Variants in ZRANB1 observed in about 807,000 individuals in gnomAD.
ZRANB1 encodes ubiquitin thioesterase ZRANB1.
In ZRANB1, 16 loss-of-function variants were observed where a neutral mutation model predicts 80.5. The observed-to-expected ratio is 0.20, with a 90% CI of 0.13 to 0.30. The LOEUF (loss-of-function observed/expected upper bound fraction) is 0.30, where lower values mean the gene tolerates loss of function less well. ZRANB1 is among the 10% of genes least tolerant of loss of function. The pLI is 1.00. For synonymous variants in ZRANB1, 291 were observed against 293.1 expected, an observed-to-expected ratio of 0.99 and a Z score of 0.07; for missense variants, 576 against 862.6, an observed-to-expected ratio of 0.67 and a Z score of 4.16.
upstream of ZRANB1, chr10:124,940,452 T>C: frequency 1.6e-6 from 2 of 1,242,928 alleles, no homozygotes; most frequent in East Asian, 1.1e-4. Context: ...TGAGCCAGCA[T>C]GAAGACGGAA....
intron 1 of ZRANB1, among the ~76,000 whole-genome samples, chr10:124,956,674 G>C (rs1951689943): frequency 1.3e-5 from 2 of 152,100 alleles, no homozygotes; most frequent in African/African-American, 4.8e-5. Flanking sequence ...GTTTCACCAT[G>C]TTGGCTAGGC....
the ZRANB1 span, among the ~76,000 whole-genome samples, chr10:124,927,858 G>A: frequency 1.3e-5 from 2 of 152,084 alleles, no homozygotes; most frequent in Admixed American, 6.6e-5. Context: ...CCAACATGGC[G>A]AAACCCCATC....
chr10:124,918,808 GGCA>G, the ZRANB1 span, among the ~76,000 whole-genome samples: 1 of 152,144 alleles, frequency 6.6e-6, no homozygotes, highest in African/African-American at 2.4e-5. Flanking sequence ...TCTAAAGATA[GGCA>G]GTCTCTTTAT....
At position 124,974,415 on chromosome 10, in the gene ZRANB1, C is replaced by T; in HGVS notation, c.1427+17C>T. On this transcript the variant is annotated intron_variant, in intron 5 of 8. Transcript: ENST00000359653. ...TTCACATTGGTGAGCTGGCATTCTGCCCTGTTTCAACCCAGGAGTGCATTT... is the reference window on the plus strand; with the variant it reads ...TTCACATTGGTGAGCTGGCATTCTGTCCTGTTTCAACCCAGGAGTGCATTT... The T allele has an allele frequency of 6.2e-7, 1 of 1,613,914 alleles. No individual in the cohort carries two copies. The highest frequency in any genetic ancestry group is 8.5e-7 in the Non-Finnish European group (1 of 1,179,796).
In ZRANB1 at chr10:124,942,182, C is replaced by T. The variant is rs997834151; in HGVS notation, c.-312C>T. The T allele has an allele frequency of 1.1e-5, 13 of 1,153,424 alleles. No homozygotes were observed. The highest frequency in any genetic ancestry group is 1.4e-5 in the Non-Finnish European group (13 of 934,344). The allele number at this position is 1,153,424 out of a possible 1,614,324, so 71.4% of individuals were successfully genotyped here. ...GTGGCTTCCCGTTAATCTCATCCTT[C>T]TTAGATCAAACCTCGTTATATCTCC... On this transcript the variant is annotated 5_prime_UTR_variant, in exon 1 of 9. Transcript: ENST00000359653.
chr10:124,950,259 G>C (rs1951626396), intron 1 of ZRANB1, among the ~76,000 whole-genome samples: 1 of 151,898 alleles, frequency 6.6e-6, no homozygotes, highest in Admixed American at 6.6e-5. Flanking sequence ...CAGGTAGATG[G>C]GACTACAGAC....
chr10:124,969,201 C>A (rs966107105), intron 2 of ZRANB1, among the ~76,000 whole-genome samples: 5 of 152,182 alleles, frequency 3.3e-5, no homozygotes, highest in South Asian at 4.1e-4. Flanking sequence ...GTCTTTGAAA[C>A]CTGCAGTGTC....
In ZRANB1 at chr10:124,942,961, T is replaced by C; in HGVS notation, c.468T>C (p.Ser156=). Reference sequence around the variant, plus strand: ...CTAGGACACAGCACTGGACTTGCTCTGTTTGCACATATGAAAACTGGGCCA... The same window carrying C: ...CTAGGACACAGCACTGGACTTGCTCCGTTTGCACATATGAAAACTGGGCCA... ...LNTRTQHWTC[S]VCTYENWAKA... is the part of the protein sequence containing the mutation. Residue 156 remains serine (S), a synonymous_variant, in exon 1 of 9, where the codon TCT becomes TCC. Coordinates refer to ENST00000359653, the MANE Select transcript of ZRANB1 (RefSeq NM_017580.3). 6.2e-7 allele frequency: 1 copy of C among 1,614,244 alleles called. No homozygotes were observed. Among genetic ancestry groups the C allele is most frequent in the Non-Finnish European group, 8.5e-7 (1 of 1,180,034 alleles).
At chr10:124,965,716 A>G (rs757839440) in intron 1 of ZRANB1, among the ~76,000 whole-genome samples, 1 of 152,222 alleles carries the variant, frequency 6.6e-6, no homozygotes, top group Admixed American at 6.5e-5. Flanking sequence ...ATAATTTTTT[A>G]AAAATTGTTT....
chr10:124,959,005 T>C (rs1182423990), intron 1 of ZRANB1, among the ~76,000 whole-genome samples: 2 of 152,196 alleles, frequency 1.3e-5, no homozygotes, highest in East Asian at 1.9e-4. Context: ...GTCTTAGCTT[T>C]TACCTTTTCT....
intron 2 of ZRANB1, among the ~76,000 whole-genome samples, chr10:124,969,854 G>T (rs1951807086): frequency 6.6e-6 from 1 of 152,152 alleles, no homozygotes; most frequent in Non-Finnish European, 1.5e-5. Context: ...GAACCATAAG[G>T]TTGAAGGAGG....
chr10:124,922,312 TATGTAAAATATATGTATATATATA>T, the ZRANB1 span, among the ~76,000 whole-genome samples: 1 of 21,278 alleles, frequency 4.7e-5, no homozygotes, highest in Non-Finnish European at 3.3e-4. Context: ...TATATATATA[TATGTAAAATATATGTATATATATA>T]TTTTTTTTTT....
chr10:124,920,716 G>A, the ZRANB1 span, among the ~76,000 whole-genome samples: 2 of 151,960 alleles, frequency 1.3e-5, no homozygotes, highest in East Asian at 3.9e-4. Flanking sequence ...TAACCCAAGG[G>A]ATCTATTCAG....
At chr10:124,930,462 C>T in the ZRANB1 span, among the ~76,000 whole-genome samples, 32 of 152,272 alleles carry the variant, frequency 2.1e-4, no homozygotes, top group East Asian at 5.6e-3. Context: ...GACAGGGTTT[C>T]ACCATGTTGG....
At chr10:124,949,523 A>ATT (rs1554936765) in intron 1 of ZRANB1, among the ~76,000 whole-genome samples, 3,743 of 116,826 alleles carry the variant, frequency 0.032, 100 homozygotes, top group South Asian at 0.1. Context: ...ACACACACAC[A>ATT]TTTTTTTTTT....
intron 2 of ZRANB1, among the ~76,000 whole-genome samples, chr10:124,970,772 G>A (rs529117764): frequency 2.0e-5 from 3 of 150,922 alleles, no homozygotes; most frequent in Non-Finnish European, 2.9e-5. Flanking sequence ...TGGGATAATC[G>A]TCCAGGTTGG....
chr10:124,966,568 C>T lies in ZRANB1; in HGVS notation c.815-26C>T, dbSNP rs200903752. The stretch of plus-strand genomic sequence containing the variant: ...TTTTGAAGAAAATGAGAATTAAATG[C>T]TTTTCTATCTTGATGCTTGTTTTAG... On this transcript the variant is annotated intron_variant, in intron 1 of 8. Transcript: ENST00000359653. 6,560 of 1,594,616 alleles carry T rather than the reference C, an allele frequency of 4.1e-3. 27 individuals are homozygous for T. Among genetic ancestry groups the T allele is most frequent in the Middle Eastern group, 7.7e-3 (46 of 5,958 alleles).
rs771212604 is a variant in ZRANB1 at position 124,943,179 on chromosome 10, A to C, written c.686A>C (p.Asp229Ala). The C allele has an allele frequency of 6.2e-7, 1 of 1,614,192 alleles. No homozygotes were observed. The highest frequency in any genetic ancestry group is 2.2e-5 in the East Asian group (1 of 44,878). Residue 229 changes from aspartate (D) to alanine (A), a missense_variant, in exon 1 of 9, where the codon GAT (aspartate) becomes GCT (alanine). Asp to Ala is a moderately radical substitution (Grantham distance 126). Transcript: ENST00000359653. ...ATKRDSEVKM[D>A]FQRIELAGAV... ...AAGCGGGACTCTGAAGTGAAAATGG[A>C]TTTTCAGAGGATTGAATTGGCTGGT...
rs1261890453 is a variant in ZRANB1 at position 124,987,696 on chromosome 10, C to T, written c.*2704C>T. ...TGGTAGAGTTGGGATGGGGCCACCA[C>T]CTTAAAATGAGTGAGCAGACAAGGC... On this transcript the variant is annotated 3_prime_UTR_variant, in exon 9 of 9. Coordinates refer to ENST00000359653, the MANE Select transcript of ZRANB1 (RefSeq NM_017580.3). 1 of 152,244 alleles carries T rather than the reference C, an allele frequency of 6.6e-6. No individual in the cohort carries two copies. The highest frequency in any genetic ancestry group is 1.9e-4 in the East Asian group (1 of 5,178). 9.4% of individuals were successfully genotyped at this position (152,244 alleles called of 1,614,324 possible).
Sources: gnomAD v4.1 joint callset for allele counts (sites outside exome capture counted in the v4.1 genomes callset) on GRCh38, gnomAD v4.1.1 for gene constraint, MANE v1.5 for transcripts, NCBI Gene and HGNC (gene_info 2026-07-23, HGNC 2026-07-21) for gene names.